GRK3: variants seen among roughly 807,000 people sequenced by gnomAD.
The protein encoded by GRK3 is adrenergic, beta, receptor kinase 2.
Under a neutral mutation model 95.7 loss-of-function variants are expected in GRK3, and 54 were observed. The ratio of observed to expected loss-of-function variants is 0.56; its 90% confidence interval spans 0.45 to 0.71. The LOEUF (loss-of-function observed/expected upper bound fraction) is 0.71, where lower values mean the gene tolerates loss of function less well. Among genes scored for constraint, GRK3 ranks in the 30% least tolerant of loss-of-function variants. The probability of loss-of-function intolerance (pLI) is 0.00; values close to 1 mark genes in which losing one functional copy is unlikely to be tolerated. For missense variants in GRK3, 649 were observed against 851.2 expected, an observed-to-expected ratio of 0.76 and a Z score of 2.96; for synonymous variants, 281 against 290.8, an observed-to-expected ratio of 0.97 and a Z score of 0.34.
At chr22:25,711,636 G>A (rs1269339107) in intron 17 of GRK3, among the ~76,000 whole-genome samples, 1 of 151,844 alleles carries the variant, frequency 6.6e-6, no homozygotes. Context: ...TCGAACTTTT[G>A]TTCATATCGT....
intron 17 of GRK3, among the ~76,000 whole-genome samples, chr22:25,712,874 G>A (rs759957294): frequency 6.6e-6 from 1 of 152,236 alleles, no homozygotes; most frequent in African/African-American, 2.4e-5. Flanking sequence ...GGATTCAGCT[G>A]TAAACAAGAA....
chr22:25,605,476 CAA>C (rs1206706468), intron 2 of GRK3, among the ~76,000 whole-genome samples: 2 of 152,078 alleles, frequency 1.3e-5, no homozygotes, highest in Non-Finnish European at 2.9e-5. Context: ...CTCATGATAA[CAA>C]GAGAGAGAAA....
intron 16 of GRK3, among the ~76,000 whole-genome samples, chr22:25,710,505 C>A (rs1035734908): frequency 3.9e-5 from 6 of 152,156 alleles, no homozygotes; most frequent in African/African-American, 1.4e-4. Context: ...ACAGGAAACA[C>A]CCCAAATTCA....
intron 1 of GRK3, among the ~76,000 whole-genome samples, chr22:25,601,664 G>T (rs2084410275): frequency 6.6e-6 from 1 of 152,084 alleles, no homozygotes; most frequent in African/African-American, 2.4e-5. Flanking sequence ...ATGGTCCAGA[G>T]ATAGACCTGC....
chr22:25,586,183 C>T (rs1388888724), intron 1 of GRK3, among the ~76,000 whole-genome samples: 157 of 151,350 alleles, frequency 1.0e-3, no homozygotes, highest in African/African-American at 3.7e-3. Context: ...TGGTATGCAA[C>T]AGTGTTGAAG....
intron 13 of GRK3, among the ~76,000 whole-genome samples, chr22:25,698,554 A>G (rs6650883): frequency 1.3e-5 from 2 of 152,190 alleles, no homozygotes; most frequent in East Asian, 1.9e-4. Context: ...CAGGGGAAAT[A>G]CCAGCTTTCT....
intron 1 of GRK3, among the ~76,000 whole-genome samples, chr22:25,595,886 G>A (rs1241906264): frequency 3.3e-5 from 5 of 152,142 alleles, no homozygotes; most frequent in African/African-American, 4.8e-5. Flanking sequence ...GTTTGAGGCC[G>A]CAGTGAGCTA....
intron 2 of GRK3, among the ~76,000 whole-genome samples, chr22:25,609,119 A>G (rs2084475350): frequency 6.6e-6 from 1 of 152,212 alleles, no homozygotes; most frequent in African/African-American, 2.4e-5. Flanking sequence ...TATTGAATAG[A>G]CAGGAAAATC....
At chr22:25,720,414 C>T (rs892988188) in intron 19 of GRK3, among the ~76,000 whole-genome samples, 14 of 149,934 alleles carry the variant, frequency 9.3e-5, no homozygotes, top group Admixed American at 6.0e-4. Flanking sequence ...AACCGTAAGA[C>T]GCTAAGGAAC....
intron 4 of GRK3, among the ~76,000 whole-genome samples, chr22:25,662,499 C>T (rs1372970279): frequency 6.6e-6 from 1 of 152,216 alleles, no homozygotes; most frequent in Non-Finnish European, 1.5e-5. Flanking sequence ...TCCTATTGGA[C>T]AGCACTGGTC....
At chr22:25,601,454 G>A (rs2084408980) in intron 1 of GRK3, among the ~76,000 whole-genome samples, 1 of 152,172 alleles carries the variant, frequency 6.6e-6, no homozygotes, top group African/African-American at 2.4e-5. Context: ...AAGATAATTA[G>A]AATAGGATGA....
At chr22:25,687,889 C>T (rs1284537815) in intron 11 of GRK3, among the ~76,000 whole-genome samples, 1 of 152,186 alleles carries the variant, frequency 6.6e-6, no homozygotes, top group African/African-American at 2.4e-5. Flanking sequence ...GTGCCTACTA[C>T]AGTGCCTGCT....
At chr22:25,670,006 T>G (rs1165871276) in intron 6 of GRK3, among the ~76,000 whole-genome samples, 3 of 152,232 alleles carry the variant, frequency 2.0e-5, no homozygotes, top group Non-Finnish European at 4.4e-5. Context: ...TTGAAATAAC[T>G]CTTAGAAAGT....
chr22:25,620,392 A>C (rs2084575679), intron 2 of GRK3, among the ~76,000 whole-genome samples: 1 of 152,162 alleles, frequency 6.6e-6, no homozygotes, highest in South Asian at 2.1e-4. Context: ...ATGTTGGGCA[A>C]GGGCAAGAAG....
chr22:25,642,706 G>A (rs35644924), intron 2 of GRK3, among the ~76,000 whole-genome samples: 2 of 152,146 alleles, frequency 1.3e-5, no homozygotes, highest in Non-Finnish European at 2.9e-5. Context: ...TTGTAAATGA[G>A]AATGTGCAGT....
chr22:25,709,842 T>C (rs2085329857), intron 15 of GRK3, 56 bp from the exon 16 acceptor site: 1 of 1,341,432 alleles, frequency 7.5e-7, no homozygotes, highest in African/African-American at 1.4e-5. Context: ...TTTTGCACAA[T>C]ATTTATTACG....
At chr22:25,605,180 C>T (rs1040676633) in intron 2 of GRK3, among the ~76,000 whole-genome samples, 2 of 152,228 alleles carry the variant, frequency 1.3e-5, no homozygotes, top group South Asian at 2.1e-4. Context: ...TTTCTTTGAT[C>T]ACGCATGAAG....
chr22:25,565,634 C>T (rs1361841138), intron 1 of GRK3, among the ~76,000 whole-genome samples: 4 of 152,206 alleles, frequency 2.6e-5, no homozygotes, highest in Admixed American at 2.6e-4. Flanking sequence ...CCCTCTGGGC[C>T]GCTTACCTGG....
intron 15 of GRK3, among the ~76,000 whole-genome samples, chr22:25,704,893 TCTC>T (rs1191176971): frequency 2.0e-5 from 3 of 152,204 alleles, no homozygotes; most frequent in Non-Finnish European, 4.4e-5. Flanking sequence ...TGCTCACTAT[TCTC>T]CTGCCCCAAA....
Sources: allele counts gnomAD v4.1 joint callset (sites outside exome capture counted in the v4.1 genomes callset), GRCh38; gene constraint gnomAD v4.1.1; transcripts MANE v1.5; gene names NCBI Gene and HGNC (gene_info 2026-07-23, HGNC 2026-07-21).